The following CD58 variants were observed in gnomAD, a reference collection of about 807,000 sequenced individuals.
The protein encoded by CD58 is CD58 molecule.
A neutral mutation model predicts 27.6 loss-of-function variants in CD58; 14 were observed. The observed-to-expected ratio is 0.51, with a 90% CI of 0.34 to 0.79. CD58 has a LOEUF of 0.79. CD58 is among the 30% of genes least tolerant of loss of function. The pLI, the probability that CD58 is intolerant of heterozygous loss-of-function variation, is 0.02. For missense variants in CD58, 268 were observed against 301.7 expected (o/e 0.89, Z 0.83); for synonymous variants, 117 against 103.8 (o/e 1.13, Z -0.77).
Position 116,561,066 on chromosome 1 carries a change from G to A in CD58, c.70+9837C>T, listed in dbSNP as rs538983379. On this transcript the variant is annotated intron_variant, in intron 1 of 5. Coordinates refer to ENST00000369489, the MANE Select transcript of CD58 (RefSeq NM_001779.3). ...AAGGCAGAAAACTTACACATATAAG[G>A]GCTGATTTATGCAAAGTTTCTACTT... Among the ~76,000 whole-genome samples the A allele has an allele frequency of 1.6e-3, 239 of 152,162 alleles. 5 individuals carry two copies. Among genetic ancestry groups the A allele is most frequent in the Middle Eastern group, 6.8e-3 (2 of 294 alleles).
chr1:116,557,802 T>C lies in CD58; in HGVS notation c.70+13101A>G, dbSNP rs1464022372. Among the ~76,000 whole-genome samples the C allele has an allele frequency of 1.3e-5, 2 of 151,970 alleles. No individual in the cohort carries two copies. Among genetic ancestry groups the C allele is most frequent in the Non-Finnish European group, 2.9e-5 (2 of 68,000 alleles). ...GATCCTTCTGCCTCAGCCTCCCAAGTAGCTAGAACTACAGTTGCATGCCAC... is the reference window on the plus strand; with the variant it reads ...GATCCTTCTGCCTCAGCCTCCCAAGCAGCTAGAACTACAGTTGCATGCCAC... On this transcript the variant is annotated intron_variant, in intron 1 of 5. Transcript: ENST00000369489. The surrounding 1 kb of genome is among the most constrained non-coding windows in gnomAD (Gnocchi z 5.2).
chr1:116,557,185 G>A lies in CD58; in HGVS notation c.71-12581C>T, dbSNP rs1658593738. Among the ~76,000 whole-genome samples the A allele has an allele frequency of 6.6e-6, 1 of 152,186 alleles. No individual in the cohort carries two copies. The highest frequency in any genetic ancestry group is 1.5e-5 in the Non-Finnish European group (1 of 68,020). ...GTTCAAAAGATAAGGCTTCCTGACA[G>A]AATAGCAAAATTTGACAGTCACCCC... is the stretch of plus-strand genomic sequence containing the variant. On this transcript the variant is annotated intron_variant, in intron 1 of 5. Coordinates refer to ENST00000369489, the MANE Select transcript of CD58 (RefSeq NM_001779.3). This position sits in a 1 kb window ranked among gnomAD's most constrained non-coding sequence, Gnocchi z 5.2.
chr1:116,567,177 AGAAGGGAAGGGAAGG>A (rs536890121), intron 1 of CD58, among the ~76,000 whole-genome samples: 18 of 118,508 alleles, frequency 1.5e-4, no homozygotes, highest in South Asian at 3.3e-4. Flanking sequence ...AAAGAAGGAA[AGAAGGGAAGGGAAGG>A]GAAGGGAAGG....
chr1:116,565,703 T>C (rs979227378), intron 1 of CD58, among the ~76,000 whole-genome samples: 14 of 151,484 alleles, frequency 9.2e-5, no homozygotes, highest in African/African-American at 3.1e-4. Flanking sequence ...CAAATAACTT[T>C]TTTTTGTTTT....
chr1:116,539,977 AAT>A (rs1363804028), intron 2 of CD58, among the ~76,000 whole-genome samples: 3 of 152,214 alleles, frequency 2.0e-5, no homozygotes, highest in Non-Finnish European at 4.4e-5. Context: ...ATTTTATAGA[AAT>A]ATGTGTATAT....
chr1:116,561,629 T>C (rs1333865444), intron 1 of CD58, among the ~76,000 whole-genome samples: 2 of 152,198 alleles, frequency 1.3e-5, no homozygotes, highest in African/African-American at 4.8e-5. Flanking sequence ...CATTGGACAA[T>C]GTATACATGT....
At chr1:116,544,259 T>G in intron 2 of CD58, 52 bp downstream of exon 2, 1 of 1,312,608 alleles carries the variant, frequency 7.6e-7, no homozygotes, top group Non-Finnish European at 1.1e-6. Flanking sequence ...GAAAACAGAC[T>G]AAAAAAATGG....
In CD58 at chr1:116,563,439, C is replaced by T. The variant is rs12119301; in HGVS notation, c.70+7464G>A. On this transcript the variant is annotated intron_variant, in intron 1 of 5. Coordinates refer to ENST00000369489, the MANE Select transcript of CD58 (RefSeq NM_001779.3). This position sits in a 1 kb window ranked among gnomAD's most constrained non-coding sequence, Gnocchi z 4.1. ...ACTAGGCGGTGCCCCAGTGGGGACTCTGTGTGGGGGCTCCAACTCCACATT... is the reference window on the plus strand; with the variant it reads ...ACTAGGCGGTGCCCCAGTGGGGACTTTGTGTGGGGGCTCCAACTCCACATT... Among the ~76,000 whole-genome samples, 1 of 152,170 alleles carries T rather than the reference C, an allele frequency of 6.6e-6. No individual in the cohort carries two copies. Among genetic ancestry groups the T allele is most frequent in the African/African-American group, 2.4e-5 (1 of 41,448 alleles).
Position 116,570,438 on chromosome 1 carries a change from G to A in CD58, c.70+465C>T, listed in dbSNP as rs1338793696. Among the ~76,000 whole-genome samples the A allele has an allele frequency of 3.3e-5, 5 of 152,100 alleles. No homozygotes were observed. The East Asian group carries it at 9.7e-4, about 30-fold the overall frequency. ...TCTGCTGATACGGCGGACGCCGCGC[G>A]GGCGGGGACGGCACCGCGCGGGGAG... On this transcript the variant is annotated intron_variant, in intron 1 of 5. Transcript: ENST00000369489. This position sits in a 1 kb window ranked among gnomAD's most constrained non-coding sequence, Gnocchi z 6.4.
chr1:116,563,669 G>A lies in CD58; in HGVS notation c.70+7234C>T, dbSNP rs576872476. On this transcript the variant is annotated intron_variant, in intron 1 of 5. Coordinates refer to ENST00000369489, the MANE Select transcript of CD58 (RefSeq NM_001779.3). The surrounding 1 kb of genome is among the most constrained non-coding windows in gnomAD (Gnocchi z 4.1). ...TACCCTCTGAAGCAACAGCCTGAGT[G>A]GTATGTTGGCCCCTTTTAGCCATGG... 5.9e-5 allele frequency among the ~76,000 whole-genome samples: 9 copies of A among 152,348 alleles called. No homozygotes were observed. The highest frequency in any genetic ancestry group is 1.7e-4 in the African/African-American group (7 of 41,584).
rs1657183589 is a variant in CD58 at position 116,519,082 on chromosome 1, C to T, written c.743+149G>A. On this transcript the variant is annotated intron_variant, in intron 5 of 5. Transcript: ENST00000369489. The surrounding 1 kb of genome is among the most constrained non-coding windows in gnomAD (Gnocchi z 4.7). The stretch of plus-strand genomic sequence containing the variant: ...CATGGCACACAGTTGGTACTTAATA[C>T]ACTATGGTTAGTATATCTGCTGATG... 1.4e-6 allele frequency: 2 copies of T among 1,456,476 alleles called. No homozygotes were observed. Among genetic ancestry groups the T allele is most frequent in the African/African-American group, 1.4e-5 (1 of 70,946 alleles). 90.2% of individuals were successfully genotyped at this position (1,456,476 alleles called of 1,614,324 possible).
Position 116,570,876 on chromosome 1 carries a change from G to A in CD58, c.70+27C>T. 1.3e-6 allele frequency: 2 copies of A among 1,532,658 alleles called. No homozygotes were observed. Among genetic ancestry groups the A allele is most frequent in the Non-Finnish European group, 1.8e-6 (2 of 1,142,326 alleles). The allele number at this position is 1,532,658 out of a possible 1,614,324, so 94.9% of individuals were successfully genotyped here. A position where few individuals can be genotyped will look rare whatever the true frequency, so the allele number is the denominator to read the frequency against. On this transcript the variant is annotated intron_variant, in intron 1 of 5. Coordinates refer to ENST00000369489, the MANE Select transcript of CD58 (RefSeq NM_001779.3). This position sits in a 1 kb window ranked among gnomAD's most constrained non-coding sequence, Gnocchi z 6.4. ...CTGCCCAGTACCCGCCGGCCGGCGC[G>A]GGGCCCCTGGGGCAGGCTTCACTCA... is the stretch of plus-strand genomic sequence containing the variant.
Position 116,547,358 on chromosome 1 carries a change from G to A in CD58, c.71-2754C>T, listed in dbSNP as rs549162357. On this transcript the variant is annotated intron_variant, in intron 1 of 5. Transcript: ENST00000369489. The stretch of plus-strand genomic sequence containing the variant: ...TTTTTTTCTTTTGAGACAGAGTCTC[G>A]CTCTGTCCCCAGGCTGGAGTGCAGT... Among the ~76,000 whole-genome samples the A allele has an allele frequency of 1.6e-3, 227 of 142,814 alleles. 1 individual carries two copies. Among genetic ancestry groups the A allele is most frequent in the Middle Eastern group, 3.2e-3 (1 of 310 alleles). 93.7% of individuals were successfully genotyped at this position (142,814 alleles called of 152,430 possible). A position where few individuals can be genotyped will look rare whatever the true frequency, so the allele number is the denominator to read the frequency against.
chr1:116,562,163 T>TA (rs921774666), intron 1 of CD58, among the ~76,000 whole-genome samples: 17 of 151,178 alleles, frequency 1.1e-4, no homozygotes, highest in African/African-American at 1.5e-4. Flanking sequence ...TCTTTACTAT[T>TA]AAAAAAAAAC....
In CD58 at chr1:116,570,605, G is replaced by A. The variant is rs1206229918; in HGVS notation, c.70+298C>T. Reference sequence around the variant, plus strand: ...AGCCCAGGAAGGAACTTGGTCACTGGAGCTCGGGAGGGGGCCGGCGGGGGG... The same window carrying A: ...AGCCCAGGAAGGAACTTGGTCACTGAAGCTCGGGAGGGGGCCGGCGGGGGG... On this transcript the variant is annotated intron_variant, in intron 1 of 5. Coordinates refer to ENST00000369489, the MANE Select transcript of CD58 (RefSeq NM_001779.3). The surrounding 1 kb of genome is among the most constrained non-coding windows in gnomAD (Gnocchi z 6.4). Among the ~76,000 whole-genome samples the A allele has an allele frequency of 2.6e-5, 4 of 152,160 alleles. No homozygotes were observed. The highest frequency in any genetic ancestry group is 4.8e-5 in the African/African-American group (2 of 41,452).
chr1:116,548,599 T>C (rs1658276166), intron 1 of CD58, among the ~76,000 whole-genome samples: 1 of 152,176 alleles, frequency 6.6e-6, no homozygotes, highest in South Asian at 2.1e-4. Flanking sequence ...AGAAAATATG[T>C]GTTGTTTATG....
At chr1:116,569,832 C>A (rs1050431959) in intron 1 of CD58, among the ~76,000 whole-genome samples, 1 of 152,116 alleles carries the variant, frequency 6.6e-6, no homozygotes, top group African/African-American at 2.4e-5. Context: ...CGATTCCTGG[C>A]CTCAAGTGAT....
chr1:116,555,135 G>T (rs1658521420), intron 1 of CD58, among the ~76,000 whole-genome samples: 1 of 152,114 alleles, frequency 6.6e-6, no homozygotes, highest in African/African-American at 2.4e-5. Flanking sequence ...AAAAGGGACT[G>T]TAGGGACGCT....
In CD58 at chr1:116,531,856, C is replaced by G. The variant is rs1385019600; in HGVS notation, c.628+4109G>C. 6.6e-6 allele frequency among the ~76,000 whole-genome samples: 1 copy of G among 152,208 alleles called. No individual in the cohort carries two copies. Among genetic ancestry groups the G allele is most frequent in the African/African-American group, 2.4e-5 (1 of 41,442 alleles). On this transcript the variant is annotated intron_variant, in intron 3 of 5. Transcript: ENST00000369489. The surrounding 1 kb of genome is among the most constrained non-coding windows in gnomAD (Gnocchi z 4.5). The stretch of plus-strand genomic sequence containing the variant: ...GTGTTCTAAGGTTAGGCTGAGCACT[C>G]TCTACAGGCCTGGTCAGCGCGGACA...
Sources: gnomAD v4.1 joint callset for allele counts (sites outside exome capture counted in the v4.1 genomes callset) on GRCh38, gnomAD v4.1.1 for gene constraint, Gnocchi (gnomAD v3.1) non-coding constraint, MANE v1.5 for transcripts, NCBI Gene and HGNC (gene_info 2026-07-23, HGNC 2026-07-21) for gene names.